Variants in EYA4 observed in about 807,000 individuals in gnomAD.
The protein encoded by EYA4 is protein phosphatase EYA4.
A neutral mutation model predicts 87.9 loss-of-function variants in EYA4; 31 were observed. The ratio of observed to expected loss-of-function variants is 0.35; its 90% CI spans 0.27 to 0.48. The LOEUF is 0.48. Among genes scored for constraint, EYA4 ranks in the 20% least tolerant of loss-of-function variants. EYA4 has a pLI of 0.99. For missense variants in EYA4, 678 were observed against 761.4 expected (o/e 0.89, Z 1.29); for synonymous variants, 263 against 270.6 (o/e 0.97, Z 0.28).
chr6:133,373,932 AT>A (rs1234432884), intron 2 of EYA4, among the ~76,000 whole-genome samples: 5 of 152,002 alleles, frequency 3.3e-5, no homozygotes, highest in Admixed American at 6.6e-5. Flanking sequence ...CTTTTGTGGC[AT>A]TTTTTAAAAA....
chr6:133,357,700 T>C (rs569516568), intron 2 of EYA4, among the ~76,000 whole-genome samples: 86 of 152,204 alleles, frequency 5.7e-4, no homozygotes, highest in African/African-American at 2.1e-3. Flanking sequence ...CTAATACTTA[T>C]TTCTCTTAGG....
intron 3 of EYA4, among the ~76,000 whole-genome samples, chr6:133,435,972 G>A (rs1791633472): frequency 1.3e-5 from 2 of 152,054 alleles, no homozygotes; most frequent in South Asian, 4.1e-4. Flanking sequence ...TGTAATCCAA[G>A]CACTTTGGGA....
chr6:133,362,087 T>TC (rs889063048), intron 2 of EYA4, among the ~76,000 whole-genome samples: 3 of 152,222 alleles, frequency 2.0e-5, no homozygotes, highest in Admixed American at 6.5e-5. Context: ...CTTGGGTGGT[T>TC]CCCTTAGAAG....
chr6:133,455,279 T>C (rs1299863655), intron 5 of EYA4, among the ~76,000 whole-genome samples: 1 of 152,214 alleles, frequency 6.6e-6, no homozygotes, highest in East Asian at 1.9e-4. Context: ...ATTAGACTAC[T>C]CTTCAGATCA....
chr6:133,385,172 G>A (rs1034645392), intron 3 of EYA4, among the ~76,000 whole-genome samples: 6 of 151,532 alleles, frequency 4.0e-5, no homozygotes, highest in East Asian at 3.9e-4. Flanking sequence ...GGTGGCAGGC[G>A]CCTGTAGTCC....
chr6:133,390,034 G>A (rs1013321225), intron 3 of EYA4, among the ~76,000 whole-genome samples: 3 of 152,106 alleles, frequency 2.0e-5, no homozygotes, highest in Non-Finnish European at 4.4e-5. Context: ...TGGTGTTGCC[G>A]TGTTGGTCAA....
At chr6:133,528,443 C>T (rs1411786948) in intron 19 of EYA4, among the ~76,000 whole-genome samples, 1 of 152,118 alleles carries the variant, frequency 6.6e-6, no homozygotes, top group Middle Eastern at 3.2e-3. Context: ...GGTAGCGATA[C>T]TTCCAGAATA....
intron 3 of EYA4, among the ~76,000 whole-genome samples, chr6:133,391,217 T>TTTTGGTTTTGG (rs1554246209): frequency 4.3e-4 from 14 of 32,430 alleles, no homozygotes; most frequent in Non-Finnish European, 3.1e-4. Flanking sequence ...TTGGGTTTTG[T>TTTTGGTTTTGG]TTTTGTTTTT....
chr6:133,299,481 G>T (rs1779195332), intron 2 of EYA4, among the ~76,000 whole-genome samples: 1 of 151,946 alleles, frequency 6.6e-6, no homozygotes, highest in East Asian at 1.9e-4. Flanking sequence ...GGAGGCCGAG[G>T]TGGGTGGATC....
intron 3 of EYA4, among the ~76,000 whole-genome samples, chr6:133,427,067 GAC>G (rs1790741768): frequency 6.6e-6 from 1 of 152,206 alleles, no homozygotes. Context: ...CAAGGGCTGA[GAC>G]ACACAATATT....
intron 3 of EYA4, among the ~76,000 whole-genome samples, chr6:133,393,936 A>G (rs1165420148): frequency 6.6e-6 from 1 of 152,194 alleles, no homozygotes; most frequent in Non-Finnish European, 1.5e-5. Flanking sequence ...TTAAATATAG[A>G]TGAGGGCTTA....
chr6:133,418,941 A>T (rs914998504), intron 3 of EYA4, among the ~76,000 whole-genome samples: 4 of 152,188 alleles, frequency 2.6e-5, no homozygotes, highest in Non-Finnish European at 4.4e-5. Flanking sequence ...GAATAGAATG[A>T]TATAATGCCC....
chr6:133,283,673 C>G (rs770457965), intron 2 of EYA4, among the ~76,000 whole-genome samples: 3 of 152,052 alleles, frequency 2.0e-5, no homozygotes, highest in Non-Finnish European at 2.9e-5. Flanking sequence ...AGAATCCATA[C>G]TGTTTTTTTA....
chr6:133,387,395 G>A (rs904022995), intron 3 of EYA4, among the ~76,000 whole-genome samples: 6 of 152,204 alleles, frequency 3.9e-5, no homozygotes, highest in South Asian at 4.1e-4. Context: ...GGTCCATCTA[G>A]CCCAATATTC....
chr6:133,363,175 C>G (rs1048877147), intron 2 of EYA4: 12 of 152,250 alleles, frequency 7.9e-5, no homozygotes, highest in Admixed American at 5.2e-4. Flanking sequence ...GTAGCTTCCC[C>G]TGCTGAATTG....
chr6:133,328,933 T>G (rs1781710864), intron 2 of EYA4, among the ~76,000 whole-genome samples: 1 of 152,128 alleles, frequency 6.6e-6, no homozygotes, highest in Non-Finnish European at 1.5e-5. Context: ...TAAATTCATT[T>G]CAACAAATAG....
rs552932721 is a variant in EYA4 at position 133,456,767 on chromosome 6, A to G, written c.370+119A>G. On this transcript the variant is annotated intron_variant, in intron 6 of 19. Transcript: ENST00000355286. ...AGAACTTTGATCCTTATAAAGTTAG[A>G]AACAAATTCTTATTTTTTGAGAACT... The G allele has an allele frequency of 1.6e-4, 113 of 688,350 alleles. No homozygotes were observed. In the Admixed American group the frequency reaches 2.2e-3, roughly 13 times the overall value. 42.6% of individuals were successfully genotyped at this position (688,350 alleles called of 1,614,324 possible). A position where few individuals can be genotyped will look rare whatever the true frequency, so the allele number is the denominator to read the frequency against.
chr6:133,272,660 G>A (rs1225056508), intron 1 of EYA4, among the ~76,000 whole-genome samples: 1 of 152,118 alleles, frequency 6.6e-6, no homozygotes, highest in Non-Finnish European at 1.5e-5. Context: ...ATTCACCTAT[G>A]GGGGCCTGGC....
At chr6:133,246,391 G>C (rs911242397) in intron 1 of EYA4, among the ~76,000 whole-genome samples, 2 of 150,586 alleles carry the variant, frequency 1.3e-5, no homozygotes, top group Non-Finnish European at 3.0e-5. Flanking sequence ...TTATTTTAAC[G>C]TACTTTTGGA....
Sources: allele counts gnomAD v4.1 joint callset (sites outside exome capture counted in the v4.1 genomes callset), GRCh38; gene constraint gnomAD v4.1.1; transcripts MANE v1.5; gene names NCBI Gene and HGNC (gene_info 2026-07-23, HGNC 2026-07-21).